Variants in MRTFA observed in about 807,000 individuals in gnomAD.
MRTFA encodes myocardin related transcription factor A.
Under a neutral mutation model 83.5 loss-of-function variants are expected in MRTFA, and 20 were observed. That is an observed-to-expected ratio of 0.24 (90% confidence interval 0.17 to 0.35). The LOEUF (loss-of-function observed/expected upper bound fraction) is 0.35. Ranked by LOEUF, MRTFA falls within the 10% of genes least tolerant of loss-of-function variation. The pLI, the probability that MRTFA is intolerant of heterozygous loss-of-function variation, is 1.00. For synonymous variants in MRTFA, 659 were observed against 541.2 expected, an observed-to-expected ratio of 1.22 and a Z score of -3.02; for missense variants, 1,200 against 1,224.7, an observed-to-expected ratio of 0.98 and a Z score of 0.30.
At chr22:40,456,544 T>G (rs1217445653) in intron 4 of MRTFA, among the ~76,000 whole-genome samples, 1 of 152,102 alleles carries the variant, frequency 6.6e-6, no homozygotes, top group Non-Finnish European at 1.5e-5. Flanking sequence ...AAAAACTAGC[T>G]GGACGTGCTG....
rs779554927 is a variant in MRTFA, at chr22:40,418,718, G to A, written c.2020C>T (p.Pro674Ser). 7.8e-5 allele frequency: 115 copies of A among 1,471,740 alleles called. No individual in the cohort carries two copies. The highest frequency in any genetic ancestry group is 1.0e-4 in the Admixed American group (4 of 40,000). 91.2% of individuals were successfully genotyped at this position (1,471,740 alleles called of 1,614,324 possible). A position where few individuals can be genotyped will look rare whatever the true frequency, so the allele number is the denominator to read the frequency against. Residue 674 changes from proline to serine, a missense_variant, in exon 12 of 15, where the codon CCC (proline) becomes TCC (serine). Transcript: ENST00000355630. ...GAGAAGCTGTTCTCCTGCTTCACGG[G>A]GGTGCCGAGGGGGGCGGGGGCGGGG...
intron 2 of MRTFA, among the ~76,000 whole-genome samples, chr22:40,553,515 A>G (rs2055474735): frequency 2.0e-5 from 3 of 152,162 alleles, no homozygotes; most frequent in South Asian, 4.1e-4. Flanking sequence ...CGAAGCGTGC[A>G]AGCCCAAAAC....
At chr22:40,478,363 A>T (rs2054032085) in intron 3 of MRTFA, among the ~76,000 whole-genome samples, 1 of 152,168 alleles carries the variant, frequency 6.6e-6, no homozygotes, top group Admixed American at 6.5e-5. Flanking sequence ...AATGTACCAT[A>T]GTTATGTAAG....
intron 1 of MRTFA, among the ~76,000 whole-genome samples, chr22:40,618,224 G>A (rs1386648174): frequency 5.3e-5 from 8 of 150,154 alleles, no homozygotes; most frequent in Admixed American, 1.3e-4. Flanking sequence ...ACAGGTGCCC[G>A]CCACCACGCC....
At chr22:40,512,010 G>A (rs181274519) in intron 3 of MRTFA, among the ~76,000 whole-genome samples, 167 of 152,290 alleles carry the variant, frequency 1.1e-3, no homozygotes, top group African/African-American at 3.9e-3. Flanking sequence ...ACAGAACGAG[G>A]AGGGAACATA....
intron 5 of MRTFA, among the ~76,000 whole-genome samples, chr22:40,434,688 C>G (rs2053134369): frequency 6.6e-6 from 1 of 152,216 alleles, no homozygotes; most frequent in Non-Finnish European, 1.5e-5. Flanking sequence ...CGCCACTGCA[C>G]TCCAGCCTGG....
chr22:40,574,713 T>A (rs2055844504), intron 2 of MRTFA, among the ~76,000 whole-genome samples: 1 of 151,724 alleles, frequency 6.6e-6, no homozygotes, highest in Non-Finnish European at 1.5e-5. Context: ...GGATTATAGA[T>A]GTTAGCCACC....
At chr22:40,510,153 A>G (rs1391366463) in intron 3 of MRTFA, among the ~76,000 whole-genome samples, 2 of 152,294 alleles carry the variant, frequency 1.3e-5, no homozygotes, top group South Asian at 2.1e-4. Flanking sequence ...TGGAGTACCA[A>G]TACAGTGTAA....
intron 3 of MRTFA, among the ~76,000 whole-genome samples, chr22:40,538,038 T>A (rs2055216569): frequency 4.4e-5 from 1 of 22,644 alleles, no homozygotes; most frequent in Non-Finnish European, 9.1e-5. Context: ...GGAGCCCCTC[T>A]GCCCGGCCAC....
rs999781446 is a variant in MRTFA at position 40,611,789 on chromosome 22, A to T, written c.-83-17054T>A. ...CATTAGTCATAATCAGATTTCATGAAGATGGTACACAGCTATAGACTAACT... is the reference window on the plus strand; with the variant it reads ...CATTAGTCATAATCAGATTTCATGATGATGGTACACAGCTATAGACTAACT... On this transcript the variant is annotated intron_variant, in intron 1 of 14. Transcript: ENST00000355630. Among the ~76,000 whole-genome samples the T allele has an allele frequency of 2.6e-5, 4 of 152,194 alleles. No homozygotes were observed. In the South Asian group the frequency reaches 8.3e-4, roughly 32 times the overall value.
At position 40,446,909 on chromosome 22, in the gene MRTFA, A is replaced by C. The variant is rs933804807; in HGVS notation, c.308-11355T>G. ...TGTTGGGTTATTCATGTTTTCGTGG[A>C]GCTTATACTTAATTGAAGAAAGATA... is the stretch of plus-strand genomic sequence containing the variant. On this transcript the variant is annotated intron_variant, in intron 4 of 14. Transcript: ENST00000355630. Among the ~76,000 whole-genome samples the C allele has an allele frequency of 2.0e-5, 3 of 152,312 alleles. 1 individual carries two copies. Among genetic ancestry groups the C allele is most frequent in the South Asian group, 4.1e-4 (2 of 4,826 alleles).
At chr22:40,506,293 T>C (rs967608071) in intron 3 of MRTFA, among the ~76,000 whole-genome samples, 4 of 152,182 alleles carry the variant, frequency 2.6e-5, no homozygotes, top group African/African-American at 9.6e-5. Flanking sequence ...TGATAAAATA[T>C]AGTATATAAA....
intron 2 of MRTFA, among the ~76,000 whole-genome samples, chr22:40,578,257 A>G (rs2055896859): frequency 1.3e-5 from 2 of 152,152 alleles, no homozygotes; most frequent in South Asian, 4.1e-4. Flanking sequence ...CTTGGCCAGA[A>G]TTCATGATCT....
At chr22:40,462,726 A>G (rs759496990) in intron 4 of MRTFA, among the ~76,000 whole-genome samples, 1 of 152,214 alleles carries the variant, frequency 6.6e-6, no homozygotes, top group Non-Finnish European at 1.5e-5. Flanking sequence ...CTACTCAGCC[A>G]TGCTCACGCC....
At chr22:40,518,850 T>C (rs996348903) in intron 3 of MRTFA, among the ~76,000 whole-genome samples, 2 of 150,070 alleles carry the variant, frequency 1.3e-5, no homozygotes, top group African/African-American at 2.4e-5. Context: ...CTTCATGCAC[T>C]GTAAACTCTA....
chr22:40,589,635 T>C (rs1264676287), intron 2 of MRTFA, among the ~76,000 whole-genome samples: 3 of 152,214 alleles, frequency 2.0e-5, no homozygotes, highest in Non-Finnish European at 4.4e-5. Context: ...AAAGTACAAC[T>C]GTGAAAAGGT....
chr22:40,482,341 T>G (rs1030600412), intron 3 of MRTFA, among the ~76,000 whole-genome samples: 1 of 152,106 alleles, frequency 6.6e-6, no homozygotes, highest in Non-Finnish European at 1.5e-5. Flanking sequence ...ATTCCCCACA[T>G]CCTCAAAAAT....
intron 1 of MRTFA, among the ~76,000 whole-genome samples, chr22:40,619,691 C>G (rs2056496361): frequency 6.6e-6 from 1 of 151,750 alleles, no homozygotes; most frequent in Admixed American, 6.6e-5. Context: ...AGATCGAGAC[C>G]ATCCTGGCTA....
At chr22:40,487,276 C>T (rs2054188989) in intron 3 of MRTFA, among the ~76,000 whole-genome samples, 1 of 152,102 alleles carries the variant, frequency 6.6e-6, no homozygotes, top group South Asian at 2.1e-4. Flanking sequence ...TTTGTGTATG[C>T]GTTGGTACTA....
Sources: gnomAD v4.1 joint callset for allele counts (sites outside exome capture counted in the v4.1 genomes callset) on GRCh38, gnomAD v4.1.1 for gene constraint, MANE v1.5 for transcripts, NCBI Gene and HGNC (gene_info 2026-07-23, HGNC 2026-07-21) for gene names.